The following KIRREL3 variants were observed in gnomAD, a reference collection of about 807,000 sequenced individuals.
KIRREL3 encodes the protein kirre like nephrin family adhesion molecule 3.
KIRREL3 carries 36 observed loss-of-function variants against 89.7 expected under a neutral mutation model. That is an observed-to-expected ratio of 0.40 (90% CI 0.31 to 0.53). KIRREL3 has a LOEUF of 0.53. KIRREL3 is among the 20% of genes least tolerant of loss of function. The pLI, the probability that KIRREL3 is intolerant of heterozygous loss-of-function variation, is 0.49. For synonymous variants in KIRREL3, 445 were observed against 441.4 expected (o/e 1.01, Z -0.10); for missense variants, 864 against 1,056.6 (o/e 0.82, Z 2.53).
intron 1 of KIRREL3, among the ~76,000 whole-genome samples, chr11:126,899,276 T>G (rs890156622): frequency 6.6e-6 from 1 of 152,186 alleles, no homozygotes; most frequent in East Asian, 1.9e-4. Context: ...CTGAATGCTT[T>G]ATAGCCTTTC....
intron 1 of KIRREL3, among the ~76,000 whole-genome samples, chr11:126,923,341 TCTC>T (rs1294332043): frequency 7.0e-6 from 1 of 142,360 alleles, no homozygotes; most frequent in African/African-American, 2.6e-5. Flanking sequence ...TCCTTCTCCT[TCTC>T]CTTCTTCCTT....
chr11:126,868,599 G>T (rs1945001481), intron 1 of KIRREL3, among the ~76,000 whole-genome samples: 1 of 152,086 alleles, frequency 6.6e-6, no homozygotes, highest in South Asian at 2.1e-4. Context: ...TGGTTAGGAG[G>T]GTAAAGTGTA....
rs1949287018 is a variant in KIRREL3, at chr11:126,750,132, A to T, written c.56-187220T>A. Among the ~76,000 whole-genome samples the T allele has an allele frequency of 6.6e-6, 1 of 152,234 alleles. No homozygotes were observed. ...GATGGAATAAATAAGTGCCTTGCAC[A>T]TAGTAGGCACAGAATACACAATCAT... is the stretch of plus-strand genomic sequence containing the variant. On this transcript the variant is annotated intron_variant, in intron 1 of 16. Coordinates refer to ENST00000525144, the MANE Select transcript of KIRREL3 (RefSeq NM_032531.4). The surrounding 1 kb of genome is among the most constrained non-coding windows in gnomAD (Gnocchi z 4.2).
rs1939868220 is a variant in KIRREL3, at chr11:126,558,485, C to T, written c.133+4350G>A. Among the ~76,000 whole-genome samples, 1 of 152,208 alleles carries T rather than the reference C, an allele frequency of 6.6e-6. No homozygotes were observed. Among genetic ancestry groups the T allele is most frequent in the Non-Finnish European group, 1.5e-5 (1 of 68,046 alleles). On this transcript the variant is annotated intron_variant, in intron 2 of 16. Coordinates refer to ENST00000525144, the MANE Select transcript of KIRREL3 (RefSeq NM_032531.4). The surrounding 1 kb of genome is among the most constrained non-coding windows in gnomAD (Gnocchi z 4.0). ...GCCTCCTCTTCCAGAAGTCTAAGAG[C>T]CCTGGGTGTCTGGAGCCCTGGGCTG...
rs1263672996 is a variant in KIRREL3 at position 126,664,742 on chromosome 11, G to A, written c.56-101830C>T. Among the ~76,000 whole-genome samples the A allele has an allele frequency of 6.6e-6, 1 of 152,194 alleles. No homozygotes were observed. The highest frequency in any genetic ancestry group is 1.9e-4 in the East Asian group (1 of 5,192). ...ATGTCCTTGTTTCAGGGTCCTGGGAGGCTGTTTCAATGACATCTCATAGAG... is the reference window on the plus strand; with the variant it reads ...ATGTCCTTGTTTCAGGGTCCTGGGAAGCTGTTTCAATGACATCTCATAGAG... On this transcript the variant is annotated intron_variant, in intron 1 of 16. Coordinates refer to ENST00000525144, the MANE Select transcript of KIRREL3 (RefSeq NM_032531.4). The surrounding 1 kb of genome is among the most constrained non-coding windows in gnomAD (Gnocchi z 5.4).
In KIRREL3 at chr11:126,594,636, A is replaced by T. The variant is rs1359605109; in HGVS notation, c.56-31724T>A. On this transcript the variant is annotated intron_variant, in intron 1 of 16. Transcript: ENST00000525144. This position sits in a 1 kb window ranked among gnomAD's most constrained non-coding sequence, Gnocchi z 5.0. Reference sequence around the variant, plus strand: ...AGGCCTCATGAGTGGTGCCTTTAAGAGTGCAATGAGGCCGCAGCAGAAACT... The same window carrying T: ...AGGCCTCATGAGTGGTGCCTTTAAGTGTGCAATGAGGCCGCAGCAGAAACT... Among the ~76,000 whole-genome samples, 1 of 152,038 alleles carries T rather than the reference A, an allele frequency of 6.6e-6. No homozygotes were observed. The highest frequency in any genetic ancestry group is 1.5e-5 in the Non-Finnish European group (1 of 68,020).
chr11:126,826,276 C>A (rs919373295), intron 1 of KIRREL3, among the ~76,000 whole-genome samples: 1 of 152,002 alleles, frequency 6.6e-6, no homozygotes, highest in Admixed American at 6.6e-5. Context: ...ACTGTCTGTC[C>A]GGAAAAATTT....
chr11:126,490,222 G>A lies in KIRREL3; in HGVS notation c.434-16756C>T, dbSNP rs1957475018. Reference sequence around the variant, plus strand: ...GCATTGTGTGTGTGTGTGTGTGTGTGTGTGTGTGGCGGGGGCGGGGGAGGC... The same window carrying A: ...GCATTGTGTGTGTGTGTGTGTGTGTATGTGTGTGGCGGGGGCGGGGGAGGC... On this transcript the variant is annotated intron_variant, in intron 4 of 16. Transcript: ENST00000525144. This position sits in a 1 kb window ranked among gnomAD's most constrained non-coding sequence, Gnocchi z 4.2. Among the ~76,000 whole-genome samples the A allele has an allele frequency of 6.7e-6, 1 of 148,972 alleles. No individual in the cohort carries two copies. Among genetic ancestry groups the A allele is most frequent in the Admixed American group, 6.8e-5 (1 of 14,804 alleles).
At chr11:126,661,662 T>C (rs1262788332) in intron 1 of KIRREL3, among the ~76,000 whole-genome samples, 2 of 152,216 alleles carry the variant, frequency 1.3e-5, no homozygotes, top group Non-Finnish European at 2.9e-5. Flanking sequence ...GCTTCAGATA[T>C]GGCACTAGAC....
At chr11:126,829,732 G>A (rs1421210921) in intron 1 of KIRREL3, among the ~76,000 whole-genome samples, 1 of 152,196 alleles carries the variant, frequency 6.6e-6, no homozygotes, top group Non-Finnish European at 1.5e-5. Context: ...AGGTAAGAAT[G>A]GGTATGTTTG....
In KIRREL3 at chr11:126,455,848, T is replaced by G. The variant is rs1956321114; in HGVS notation, c.848+501A>C. On this transcript the variant is annotated intron_variant, in intron 7 of 16. Transcript: ENST00000525144. The surrounding 1 kb of genome is among the most constrained non-coding windows in gnomAD (Gnocchi z 6.4). Reference sequence around the variant, plus strand: ...AACAAACCAACAAACCAAACAGTGGTGCTTTTATCCGTGTTGTGAGCAAGA... The same window carrying G: ...AACAAACCAACAAACCAAACAGTGGGGCTTTTATCCGTGTTGTGAGCAAGA... Among the ~76,000 whole-genome samples, 1 of 151,440 alleles carries G rather than the reference T, an allele frequency of 6.6e-6. No homozygotes were observed. Among genetic ancestry groups the G allele is most frequent in the African/African-American group, 2.4e-5 (1 of 41,174 alleles).
At chr11:126,725,057 G>T (rs978901161) in intron 1 of KIRREL3, among the ~76,000 whole-genome samples, 1 of 152,152 alleles carries the variant, frequency 6.6e-6, no homozygotes, top group Non-Finnish European at 1.5e-5. Flanking sequence ...CTGTCTTCTG[G>T]TGCCTGCTTA....
At chr11:126,964,609 C>G (rs955214825) in intron 1 of KIRREL3, among the ~76,000 whole-genome samples, 2 of 152,160 alleles carry the variant, frequency 1.3e-5, no homozygotes, top group Admixed American at 1.3e-4. Flanking sequence ...AACCTCACCC[C>G]CTGAGGGCCT....
chr11:126,771,770 AC>A lies in KIRREL3; in HGVS notation c.56-208859del, dbSNP rs1306506833. ...ATCAACCAACATCTTTATTAAAAAA[AC>A]GTTTTCATGTGAAGCCACAGATTTG... is the stretch of plus-strand genomic sequence containing the variant. On this transcript the variant is annotated intron_variant, in intron 1 of 16. Transcript: ENST00000525144. This position sits in a 1 kb window ranked among gnomAD's most constrained non-coding sequence, Gnocchi z 4.4. Among the ~76,000 whole-genome samples, 2 of 152,234 alleles carry A rather than the reference AC, an allele frequency of 1.3e-5. No homozygotes were observed. The highest frequency in any genetic ancestry group is 2.4e-5 in the African/African-American group (1 of 41,468).
At chr11:126,845,503 A>G in intron 1 of KIRREL3, among the ~76,000 whole-genome samples, 1 of 152,178 alleles carries the variant, frequency 6.6e-6, no homozygotes, top group African/African-American at 2.4e-5. Flanking sequence ...TGTCATAAAG[A>G]GGGGTACCTT....
chr11:126,513,932 A>T lies in KIRREL3; in HGVS notation c.433+7383T>A, dbSNP rs1958315674. Among the ~76,000 whole-genome samples the T allele has an allele frequency of 6.6e-6, 1 of 152,176 alleles. No homozygotes were observed. The highest frequency in any genetic ancestry group is 1.5e-5 in the Non-Finnish European group (1 of 68,028). On this transcript the variant is annotated intron_variant, in intron 4 of 16. Coordinates refer to ENST00000525144, the MANE Select transcript of KIRREL3 (RefSeq NM_032531.4). This position sits in a 1 kb window ranked among gnomAD's most constrained non-coding sequence, Gnocchi z 5.9. ...GTGAGAGACTATATGTCAGCCTCAG[A>T]TACCCTTCATGGCCCCCAGCTCTGC...
chr11:126,852,535 C>T (rs7123800), intron 1 of KIRREL3, among the ~76,000 whole-genome samples: 1 of 152,040 alleles, frequency 6.6e-6, no homozygotes, highest in Non-Finnish European at 1.5e-5. Context: ...ATCTGGAGAC[C>T]GTAAGTCCTC....
intron 1 of KIRREL3, among the ~76,000 whole-genome samples, chr11:126,720,792 C>T (rs962654046): frequency 1.5e-4 from 23 of 152,122 alleles, no homozygotes; most frequent in African/African-American, 2.9e-4. Flanking sequence ...ATGCAAATGA[C>T]GCTGTAGGGC....
At chr11:126,539,098 C>A (rs1327135554) in intron 2 of KIRREL3, among the ~76,000 whole-genome samples, 1 of 152,156 alleles carries the variant, frequency 6.6e-6, no homozygotes, top group East Asian at 1.9e-4. Context: ...CTGTGGGTCC[C>A]TGGGCAAATT....
Sources: allele counts gnomAD v4.1 joint callset (sites outside exome capture counted in the v4.1 genomes callset), GRCh38; gene constraint gnomAD v4.1.1; non-coding constraint Gnocchi (gnomAD v3.1); transcripts MANE v1.5; gene names NCBI Gene and HGNC (gene_info 2026-07-23, HGNC 2026-07-21).